RAB38: variants seen among roughly 807,000 people sequenced by gnomAD.
RAB38 encodes the protein RAB38, member RAS oncogene family, also known as ras-related protein Rab-38.
RAB38 carries 15 observed loss-of-function variants against 18.4 expected under a neutral mutation model. The ratio of observed to expected loss-of-function variants is 0.82; its 90% CI spans 0.55 to 1.26. RAB38 has a LOEUF of 1.26. Ranked by LOEUF, RAB38 falls within the 50% of genes most tolerant of loss-of-function variation. RAB38 has a pLI of 0.00. For synonymous variants in RAB38, 101 were observed against 104.4 expected (o/e 0.97, Z 0.20); for missense variants, 294 against 267.4 (o/e 1.10, Z -0.69).
chr11:88,168,346 C>T (rs906047947), intron 1 of RAB38, among the ~76,000 whole-genome samples: 3 of 152,186 alleles, frequency 2.0e-5, no homozygotes, highest in East Asian at 3.9e-4. Flanking sequence ...CTCTTAACAC[C>T]TCCTTCCTCA....
the RAB38 span, among the ~76,000 whole-genome samples, chr11:88,097,322 G>A: frequency 4.0e-5 from 6 of 151,892 alleles, no homozygotes; most frequent in African/African-American, 2.4e-5. Context: ...TGTGAGCTAA[G>A]TACAGAGGAA....
At chr11:88,112,398 T>C (rs1464257834), downstream of RAB38, among the ~76,000 whole-genome samples, 1 of 152,184 alleles carries the variant, frequency 6.6e-6, no homozygotes, top group Non-Finnish European at 1.5e-5. Flanking sequence ...GTTCTCCCAC[T>C]GGAAAGAGTA....
chr11:87,823,068 A>G, the RAB38 span, among the ~76,000 whole-genome samples: 12 of 152,132 alleles, frequency 7.9e-5, no homozygotes, highest in Non-Finnish European at 1.8e-4. Context: ...ACGAACCTAC[A>G]AAGAAAAACA....
chr11:87,940,778 G>A, the RAB38 span, among the ~76,000 whole-genome samples: 1 of 152,064 alleles, frequency 6.6e-6, no homozygotes, highest in Admixed American at 6.6e-5. Flanking sequence ...GATTACAGGT[G>A]CACACCACTA....
At chr11:88,005,909 T>C in the RAB38 span, among the ~76,000 whole-genome samples, 1 of 151,586 alleles carries the variant, frequency 6.6e-6, no homozygotes, top group Admixed American at 6.6e-5. Context: ...CAGTTGTCTA[T>C]AGATGCTTGG....
chr11:88,171,994 G>C (rs971983459), intron 1 of RAB38, among the ~76,000 whole-genome samples: 2 of 152,178 alleles, frequency 1.3e-5, no homozygotes, highest in Non-Finnish European at 2.9e-5. Context: ...AGTTAGAAAG[G>C]AGAAGGTAAG....
chr11:88,156,914 A>G (rs1316498167), intron 1 of RAB38, among the ~76,000 whole-genome samples: 1 of 152,162 alleles, frequency 6.6e-6, no homozygotes, highest in Non-Finnish European at 1.5e-5. Context: ...AGGCCCTATA[A>G]AGCAACCACA....
At chr11:87,819,659 G>GATAT in the RAB38 span, among the ~76,000 whole-genome samples, 2 of 141,038 alleles carry the variant, frequency 1.4e-5, no homozygotes, top group African/African-American at 5.3e-5. Flanking sequence ...GGATCTCTTG[G>GATAT]ATATATATAT....
At chr11:88,117,301 TA>T (rs1436884458) in intron 2 of RAB38, among the ~76,000 whole-genome samples, 1 of 152,214 alleles carries the variant, frequency 6.6e-6, no homozygotes, top group Non-Finnish European at 1.5e-5. Context: ...AGGGTTTGTG[TA>T]AATAGCAAAA....
chr11:87,942,085 A>G, the RAB38 span, among the ~76,000 whole-genome samples: 2 of 152,178 alleles, frequency 1.3e-5, no homozygotes, highest in Non-Finnish European at 2.9e-5. Context: ...GGCTGCAACC[A>G]TATTTCTCCT....
chr11:87,874,667 A>T, the RAB38 span, among the ~76,000 whole-genome samples: 2 of 149,796 alleles, frequency 1.3e-5, no homozygotes, highest in African/African-American at 4.9e-5. Context: ...TATATAAAAT[A>T]ATAAAATAAA....
the RAB38 span, among the ~76,000 whole-genome samples, chr11:87,860,421 C>T: frequency 6.6e-6 from 1 of 151,834 alleles, no homozygotes; most frequent in Non-Finnish European, 1.5e-5. Flanking sequence ...GCAATGTATA[C>T]AAAGTTTACA....
At chr11:87,961,836 C>T in the RAB38 span, among the ~76,000 whole-genome samples, 4 of 152,086 alleles carry the variant, frequency 2.6e-5, no homozygotes, top group African/African-American at 9.7e-5. Context: ...AGTAGGGCTG[C>T]ATTATTTATG....
chr11:87,821,888 C>CA, the RAB38 span, among the ~76,000 whole-genome samples: 4 of 149,006 alleles, frequency 2.7e-5, no homozygotes, highest in Non-Finnish European at 5.9e-5. Flanking sequence ...ATTGGGGATT[C>CA]AAAAATAAAG....
the RAB38 span, among the ~76,000 whole-genome samples, chr11:88,082,459 A>T: frequency 6.6e-6 from 1 of 151,884 alleles, no homozygotes; most frequent in Non-Finnish European, 1.5e-5. Context: ...CTGTCAGGAG[A>T]CAAAACCACC....
chr11:87,945,997 G>C, the RAB38 span, among the ~76,000 whole-genome samples: 1 of 152,138 alleles, frequency 6.6e-6, no homozygotes, highest in South Asian at 2.1e-4. Flanking sequence ...TTTCAGAGAT[G>C]CAGAAGCTGA....
chr11:88,153,532 C>T (rs1050564950), intron 1 of RAB38, among the ~76,000 whole-genome samples: 1 of 152,190 alleles, frequency 6.6e-6, no homozygotes, highest in Non-Finnish European at 1.5e-5. Flanking sequence ...TTGCTCCTCA[C>T]CTGGACCCCT....
the RAB38 span, among the ~76,000 whole-genome samples, chr11:87,813,768 G>A: frequency 4.0e-5 from 6 of 151,890 alleles, no homozygotes; most frequent in Admixed American, 3.9e-4. Flanking sequence ...CACTCTTTAT[G>A]CCAAGTTCTG....
the RAB38 span, among the ~76,000 whole-genome samples, chr11:87,940,635 A>G: frequency 1.5e-4 from 23 of 151,826 alleles, no homozygotes; most frequent in South Asian, 1.0e-3. Flanking sequence ...TATATGACAG[A>G]GAGAGAGAGA....
Sources: gnomAD v4.1 joint callset for allele counts (sites outside exome capture counted in the v4.1 genomes callset) on GRCh38, gnomAD v4.1.1 for gene constraint, MANE v1.5 for transcripts, NCBI Gene and HGNC (gene_info 2026-07-23, HGNC 2026-07-21) for gene names.